TTL: variants seen among roughly 807,000 people sequenced by gnomAD.
TTL encodes tubulin--tyrosine ligase.
A neutral mutation model predicts 41.1 loss-of-function variants in TTL; 10 were observed. The observed-to-expected ratio is 0.24, with a 90% CI of 0.15 to 0.41. The LOEUF (loss-of-function observed/expected upper bound fraction) is 0.41. Ranked by LOEUF, TTL falls within the 10% of genes least tolerant of loss-of-function variation. TTL has a pLI of 1.00. For missense variants in TTL, 367 were observed against 460.4 expected, an observed-to-expected ratio of 0.80 and a Z score of 1.86; for synonymous variants, 175 against 175.5, an observed-to-expected ratio of 1.00 and a Z score of 0.02.
chr2:112,515,975 T>TAAAG (rs1436306088), intron 5 of TTL, among the ~76,000 whole-genome samples: 2 of 150,782 alleles, frequency 1.3e-5, no homozygotes, highest in African/African-American at 4.9e-5. Context: ...AATAAATAAA[T>TAAAG]AAATAAATAA....
intron 2 of TTL, among the ~76,000 whole-genome samples, chr2:112,493,843 C>T (rs1369680751): frequency 6.6e-6 from 1 of 152,058 alleles, no homozygotes; most frequent in African/African-American, 2.4e-5. Context: ...GAAAAGATAT[C>T]GGCTCAGGAT....
intron 2 of TTL, among the ~76,000 whole-genome samples, chr2:112,488,035 A>G (rs1681288656): frequency 6.6e-6 from 1 of 152,156 alleles, no homozygotes; most frequent in Admixed American, 6.6e-5. Flanking sequence ...GGCCATTGTG[A>G]CTGTGCACCC....
At position 112,490,571 on chromosome 2, in the gene TTL, T is replaced by C. The variant is rs939161012; in HGVS notation, c.237-3572T>C. Among the ~76,000 whole-genome samples, 320 of 66,908 alleles carry C rather than the reference T, an allele frequency of 4.8e-3. 1 individual carries two copies. The highest frequency in any genetic ancestry group is 0.012 in the African/African-American group (308 of 25,358). 43.9% of individuals were successfully genotyped at this position (66,908 alleles called of 152,430 possible). On this transcript the variant is annotated intron_variant, in intron 2 of 6. Transcript: ENST00000233336. Reference sequence around the variant, plus strand: ...GTCTACTAAAATCTTAGTAAATCTTTTTTTTTTTTTTTTTTTTTTGAGATG... The same window carrying C: ...GTCTACTAAAATCTTAGTAAATCTTCTTTTTTTTTTTTTTTTTTTGAGATG...
Position 112,499,513 on chromosome 2 carries a change from C to T in TTL, c.470-1693C>T, listed in dbSNP as rs189634795. ...TTCACACCTCATACAAAAACTAACT[C>T]AAAATGGATCGTGGACCTAATAATT... On this transcript the variant is annotated intron_variant, in intron 3 of 6. Coordinates refer to ENST00000233336, the MANE Select transcript of TTL (RefSeq NM_153712.5). 6.0e-3 allele frequency among the ~76,000 whole-genome samples: 907 copies of T among 152,218 alleles called. 6 individuals carry two copies. Among genetic ancestry groups the T allele is most frequent in the Non-Finnish European group, 9.9e-3 (674 of 67,992 alleles).
Position 112,482,597 on chromosome 2 carries a change from T to A in TTL, c.157+96T>A. The A allele has an allele frequency of 7.4e-7, 1 of 1,347,384 alleles. No individual in the cohort carries two copies. The highest frequency in any genetic ancestry group is 9.9e-7 in the Non-Finnish European group (1 of 1,014,126). 83.5% of individuals were successfully genotyped at this position (1,347,384 alleles called of 1,614,324 possible). On this transcript the variant is annotated intron_variant, in intron 1 of 6. Coordinates refer to ENST00000233336, the MANE Select transcript of TTL (RefSeq NM_153712.5). The surrounding 1 kb of genome is among the most constrained non-coding windows in gnomAD (Gnocchi z 5.3). ...CCGGCGCTTTTGTTTTTAAAGGTCA[T>A]ACATTTTCTCCTCTGTCGCTTGTCG... is the stretch of plus-strand genomic sequence containing the variant.
chr2:112,486,682 G>GT (rs1261541752), intron 2 of TTL, among the ~76,000 whole-genome samples: 3 of 152,180 alleles, frequency 2.0e-5, no homozygotes, highest in Non-Finnish European at 4.4e-5. Context: ...GGTGAAAAGT[G>GT]TAAGTGTTCA....
rs34238996 is a variant in TTL, at chr2:112,520,130, CAAAAAAAA to C, written c.876-139_876-132del. 12 of 506,054 alleles carry C rather than the reference CAAAAAAAA, an allele frequency of 2.4e-5. No individual in the cohort carries two copies. The East Asian group carries it at 2.8e-4, about 12-fold the overall frequency. The allele number at this position is 506,054 out of a possible 1,614,324, so 31.3% of individuals were successfully genotyped here. The stretch of plus-strand genomic sequence containing the variant: ...GGGCAACAAGAGCAAAACTCCGTCT[CAAAAAAAA>C]AAAAAAAAAAAAGGAAACAGAGAAT... On this transcript the variant is annotated intron_variant, in intron 5 of 6. Coordinates refer to ENST00000233336, the MANE Select transcript of TTL (RefSeq NM_153712.5).
At chr2:112,516,692 C>T (rs1263223181) in intron 5 of TTL, among the ~76,000 whole-genome samples, 1 of 152,044 alleles carries the variant, frequency 6.6e-6, no homozygotes, top group Non-Finnish European at 1.5e-5. Flanking sequence ...ATCAATCAAT[C>T]AGGTGGCCAT....
Position 112,494,387 on chromosome 2 carries a change from C to T in TTL, c.469+12C>T. On this transcript the variant is annotated intron_variant, in intron 3 of 6. Coordinates refer to ENST00000233336, the MANE Select transcript of TTL (RefSeq NM_153712.5). ...AGCCGGTGCCAAAGGTGAGTTGGCA[C>T]TGCTGTCCCCTTCTCTATTCCTGGT... 1 of 1,595,502 alleles carries T rather than the reference C, an allele frequency of 6.3e-7. No homozygotes were observed. Among genetic ancestry groups the T allele is most frequent in the Non-Finnish European group, 8.6e-7 (1 of 1,165,026 alleles).
intron 6 of TTL, among the ~76,000 whole-genome samples, chr2:112,528,359 G>A (rs1194055214): frequency 6.6e-6 from 1 of 152,152 alleles, no homozygotes; most frequent in Non-Finnish European, 1.5e-5. Flanking sequence ...CAGCACTTTG[G>A]GAGGCCGAGG....
chr2:112,525,904 T>G (rs1159179280), intron 6 of TTL, among the ~76,000 whole-genome samples: 2 of 152,216 alleles, frequency 1.3e-5, no homozygotes, highest in Non-Finnish European at 2.9e-5. Flanking sequence ...GCCCATTCAG[T>G]ATGATATTGG....
chr2:112,483,255 C>CATG (rs1681144644), intron 1 of TTL: 1 of 152,250 alleles, frequency 6.6e-6, no homozygotes, highest in Admixed American at 6.5e-5. Flanking sequence ...CACCACCATA[C>CATG]CCACATGTCC....
At chr2:112,528,524 C>T (rs912797087) in intron 6 of TTL, among the ~76,000 whole-genome samples, 157 bp from the exon 7 acceptor site, 2 of 152,068 alleles carry the variant, frequency 1.3e-5, no homozygotes, top group African/African-American at 4.8e-5. Flanking sequence ...CCCTTGAGCC[C>T]AGGAATTTGA....
chr2:112,485,638 A>G (rs1232944551), intron 1 of TTL, among the ~76,000 whole-genome samples: 1 of 152,172 alleles, frequency 6.6e-6, no homozygotes, highest in African/African-American at 2.4e-5. Flanking sequence ...AAATACCCTC[A>G]ATACCCTCTA....
At chr2:112,516,249 A>T (rs949315020) in intron 5 of TTL, among the ~76,000 whole-genome samples, 1 of 152,138 alleles carries the variant, frequency 6.6e-6, no homozygotes, top group Non-Finnish European at 1.5e-5. Context: ...TCTGGGTTTT[A>T]TCTCTTATAT....
At chr2:112,498,054 T>G (rs1307896946) in intron 3 of TTL, among the ~76,000 whole-genome samples, 1 of 152,236 alleles carries the variant, frequency 6.6e-6, no homozygotes, top group African/African-American at 2.4e-5. Context: ...CTGGGCGCAG[T>G]GGCTCACACC....
Position 112,482,364 on chromosome 2 carries a change from G to A in TTL, c.20G>A (p.Arg7His). The change falls in exon 1 of 7, where the codon CGC becomes CAC. Residue 7 changes from arginine to histidine, a missense_variant. Coordinates refer to ENST00000233336, the MANE Select transcript of TTL (RefSeq NM_153712.5). This position sits in a 1 kb window ranked among gnomAD's most constrained non-coding sequence, Gnocchi z 5.3. ...TTCGCCATGTACACCTTCGTGGTAC[G>A]CGATGAGAACAGCAGCGTCTACGCC... is the stretch of plus-strand genomic sequence containing the variant. The part of the protein sequence containing the change: MYTFVV[R>H]DENSSVYAEV... The A allele has an allele frequency of 6.4e-7, 1 of 1,567,326 alleles. No individual in the cohort carries two copies. The highest frequency in any genetic ancestry group is 8.6e-7 in the Non-Finnish European group (1 of 1,157,222).
rs1272574098 is a variant in TTL at position 112,538,061 on chromosome 2, A to C, written c.*9266A>C. 2.6e-5 allele frequency: 4 copies of C among 152,244 alleles called. No homozygotes were observed. Among genetic ancestry groups the C allele is most frequent in the Non-Finnish European group, 5.9e-5 (4 of 68,040 alleles). The allele number at this position is 152,244 out of a possible 1,614,324, so 9.4% of individuals were successfully genotyped here. A position where few individuals can be genotyped will look rare whatever the true frequency, so the allele number is the denominator to read the frequency against. On this transcript the variant is annotated 3_prime_UTR_variant, in exon 7 of 7. Coordinates refer to ENST00000233336, the MANE Select transcript of TTL (RefSeq NM_153712.5). ...GAATAAAATCAGAAATCAGTAACAA[A>C]TTTTGTTAATTTCTGTATTAATGAA...
Position 112,482,398 on chromosome 2 carries a change from C to T in TTL, c.54C>T (p.Ser18=), listed in dbSNP as rs200639551. The part of the protein sequence containing the change: ...DENSSVYAEV[S]RLLLATGHWK... ...ACAGCAGCGTCTACGCCGAGGTCTC[C>T]CGGCTGCTCCTCGCCACCGGCCACT... The change falls in exon 1 of 7, where the codon TCC becomes TCT. Residue 18 remains serine, a synonymous_variant. Coordinates refer to ENST00000233336, the MANE Select transcript of TTL (RefSeq NM_153712.5). The surrounding 1 kb of genome is among the most constrained non-coding windows in gnomAD (Gnocchi z 5.3). The T allele has an allele frequency of 6.2e-6, 10 of 1,600,992 alleles. No homozygotes were observed. The highest frequency in any genetic ancestry group is 8.5e-6 in the Non-Finnish European group (10 of 1,174,992).
Sources: gnomAD v4.1 joint callset for allele counts (sites outside exome capture counted in the v4.1 genomes callset) on GRCh38, gnomAD v4.1.1 for gene constraint, Gnocchi (gnomAD v3.1) non-coding constraint, MANE v1.5 for transcripts, NCBI Gene and HGNC (gene_info 2026-07-23, HGNC 2026-07-21) for gene names.